PTPRM: variants seen among roughly 807,000 people sequenced by gnomAD.
PTPRM encodes protein tyrosine phosphatase receptor type M.
Under a neutral mutation model 186.7 loss-of-function variants are expected in PTPRM, and 47 were observed. The observed-to-expected ratio is 0.25, with a 90% CI of 0.20 to 0.32. The LOEUF is 0.32. Among genes scored for constraint, PTPRM ranks in the 10% least tolerant of loss-of-function variants. The pLI is 1.00. For synonymous variants in PTPRM, 668 were observed against 674.9 expected (o/e 0.99, Z 0.16); for missense variants, 1,494 against 1,865.0 (o/e 0.80, Z 3.66).
intron 3 of PTPRM, among the ~76,000 whole-genome samples, chr18:7,893,226 C>G (rs774503844): frequency 1.3e-5 from 2 of 152,092 alleles, no homozygotes; most frequent in Non-Finnish European, 2.9e-5. Flanking sequence ...AAGCACAAGG[C>G]AGAAACTTGA....
At chr18:8,033,755 A>G (rs1041521919) in intron 7 of PTPRM, among the ~76,000 whole-genome samples, 1 of 152,246 alleles carries the variant, frequency 6.6e-6, no homozygotes, top group Non-Finnish European at 1.5e-5. Context: ...TAGTACCTGA[A>G]TTATGGACTG....
chr18:8,003,161 C>G (rs2083970920), intron 7 of PTPRM, among the ~76,000 whole-genome samples: 1 of 152,142 alleles, frequency 6.6e-6, no homozygotes, highest in Non-Finnish European at 1.5e-5. Flanking sequence ...AGGGCGGGGC[C>G]AGGTGGAGAT....
chr18:8,302,917 G>A (rs1247149658), intron 20 of PTPRM, among the ~76,000 whole-genome samples: 2 of 152,066 alleles, frequency 1.3e-5, no homozygotes, highest in Non-Finnish European at 2.9e-5. Context: ...GGGACATATT[G>A]AGATGCTTTT....
intron 4 of PTPRM, among the ~76,000 whole-genome samples, chr18:7,911,514 A>T (rs547652770): frequency 6.6e-6 from 1 of 152,282 alleles, no homozygotes; most frequent in East Asian, 1.9e-4. Flanking sequence ...TGCCATTTAT[A>T]TGTATGTTTG....
At chr18:8,148,068 G>A (rs1036152125) in intron 14 of PTPRM, among the ~76,000 whole-genome samples, 5 of 152,066 alleles carry the variant, frequency 3.3e-5, no homozygotes, top group East Asian at 1.9e-4. Context: ...GAGGATTTTC[G>A]CATCGAAGTT....
intron 4 of PTPRM, among the ~76,000 whole-genome samples, chr18:7,909,982 G>A (rs2050179819): frequency 6.6e-6 from 1 of 152,154 alleles, no homozygotes; most frequent in South Asian, 2.1e-4. Context: ...GGTAAGAAAA[G>A]AAGCATTTTA....
intron 1 of PTPRM, among the ~76,000 whole-genome samples, chr18:7,697,664 T>C (rs764908056): frequency 1.5e-4 from 23 of 152,296 alleles, no homozygotes; most frequent in Non-Finnish European, 2.9e-4. Context: ...TTTCAATCCT[T>C]ATGAGTAATA....
At chr18:8,131,998 T>G (rs141013749) in intron 13 of PTPRM, among the ~76,000 whole-genome samples, 17 of 152,350 alleles carry the variant, frequency 1.1e-4, no homozygotes, top group African/African-American at 4.1e-4. Flanking sequence ...ATGTTCAGTT[T>G]AATATGTGTA....
chr18:7,642,653 C>T (rs917805404), intron 1 of PTPRM, among the ~76,000 whole-genome samples: 11 of 151,530 alleles, frequency 7.3e-5, no homozygotes, highest in South Asian at 2.1e-4. Context: ...TTCCCTTTTC[C>T]GAGCAGCATT....
intron 23 of PTPRM, among the ~76,000 whole-genome samples, chr18:8,348,156 G>A (rs893909862): frequency 6.6e-6 from 1 of 152,248 alleles, no homozygotes; most frequent in South Asian, 2.1e-4. Context: ...CATGTGTACC[G>A]CACATAGTGC....
chr18:7,954,981 G>T, intron 6 of PTPRM, 140 bp from the exon 7 acceptor site: 1 of 844,390 alleles, frequency 1.2e-6, no homozygotes. Flanking sequence ...ACTTTTTCTT[G>T]TTAACCCAAA....
At chr18:7,859,146 T>C (rs994853870) in intron 2 of PTPRM, among the ~76,000 whole-genome samples, 4 of 152,200 alleles carry the variant, frequency 2.6e-5, no homozygotes, top group Non-Finnish European at 5.9e-5. Context: ...CAAAATGAGT[T>C]CTATCTAAAG....
At chr18:8,035,302 A>G (rs72905894) in intron 7 of PTPRM, among the ~76,000 whole-genome samples, 2 of 152,184 alleles carry the variant, frequency 1.3e-5, no homozygotes, top group African/African-American at 4.8e-5. Context: ...GATTTATTCT[A>G]TCTGTGAAGA....
chr18:7,704,558 TTTC>T (rs1348790756), intron 1 of PTPRM, among the ~76,000 whole-genome samples: 1 of 152,104 alleles, frequency 6.6e-6, no homozygotes, highest in African/African-American at 2.4e-5. Flanking sequence ...TTGATTCTTC[TTTC>T]TTCTTTATTA....
chr18:8,091,716 GA>G (rs370918529), intron 11 of PTPRM, among the ~76,000 whole-genome samples: 49 of 151,848 alleles, frequency 3.2e-4, no homozygotes, highest in African/African-American at 1.2e-3. Context: ...CTAGGTTGGG[GA>G]AAAAAATGTG....
At chr18:7,832,177 T>C (rs965276296) in intron 2 of PTPRM, among the ~76,000 whole-genome samples, 60 of 152,312 alleles carry the variant, frequency 3.9e-4, no homozygotes, top group African/African-American at 1.4e-3. Context: ...GTAGCTGTAA[T>C]TTTAGTTTTT....
chr18:8,012,201 T>A (rs1203651604), intron 7 of PTPRM, among the ~76,000 whole-genome samples: 1 of 152,252 alleles, frequency 6.6e-6, no homozygotes, highest in Admixed American at 6.5e-5. Flanking sequence ...TTTGTATTTT[T>A]AGATACATAA....
At chr18:8,107,318 C>A (rs1475690696) in intron 11 of PTPRM, among the ~76,000 whole-genome samples, 2 of 152,132 alleles carry the variant, frequency 1.3e-5, no homozygotes, top group Admixed American at 1.3e-4. Flanking sequence ...GATAGGTGGC[C>A]TTTTACAGAG....
At chr18:8,238,952 G>A (rs1601407901) in intron 14 of PTPRM, among the ~76,000 whole-genome samples, 1 of 150,176 alleles carries the variant, frequency 6.7e-6, no homozygotes, top group East Asian at 2.0e-4. Flanking sequence ...AGTCTGGCAG[G>A]TTAGGTACTG....
Sources: allele counts gnomAD v4.1 joint callset (sites outside exome capture counted in the v4.1 genomes callset), GRCh38; gene constraint gnomAD v4.1.1; transcripts MANE v1.5; gene names NCBI Gene and HGNC (gene_info 2026-07-23, HGNC 2026-07-21).